Variants in IGFBP5 observed in about 807,000 individuals in gnomAD.
The protein encoded by IGFBP5 is insulin like growth factor binding protein 5.
IGFBP5 carries 12 observed loss-of-function variants against 28.0 expected under a neutral mutation model. The ratio of observed to expected loss-of-function variants is 0.43; its 90% CI spans 0.27 to 0.69. The LOEUF (loss-of-function observed/expected upper bound fraction) is 0.69, where lower values mean the gene tolerates loss of function less well. Among genes scored for constraint, IGFBP5 ranks in the 30% least tolerant of loss-of-function variants. The pLI is 0.20. For missense variants in IGFBP5, 344 were observed against 381.6 expected, an observed-to-expected ratio of 0.90 and a Z score of 0.82; for synonymous variants, 152 against 150.2, an observed-to-expected ratio of 1.01 and a Z score of -0.09.
chr2:216,684,395 A>G (rs1689012146), intron 1 of IGFBP5, among the ~76,000 whole-genome samples: 1 of 152,114 alleles, frequency 6.6e-6, no homozygotes, highest in African/African-American at 2.4e-5. Context: ...ATCTCACTTG[A>G]CCTAATAATC....
In IGFBP5 at chr2:216,692,742, TTCC is replaced by T. The variant is rs1288746659; in HGVS notation, c.337+1694_337+1696del. ...CCCAGAGCCTGCACATCCTCCCCTT[TTCC>T]TCTTTTTGCAGGCTGCAACCTGCAA... On this transcript the variant is annotated intron_variant, in intron 1 of 3. Coordinates refer to ENST00000233813, the MANE Select transcript of IGFBP5 (RefSeq NM_000599.4). This position sits in a 1 kb window ranked among gnomAD's most constrained non-coding sequence, Gnocchi z 4.2. 2.6e-5 allele frequency among the ~76,000 whole-genome samples: 4 copies of T among 152,018 alleles called. No homozygotes were observed. Among genetic ancestry groups the T allele is most frequent in the East Asian group, 3.9e-4 (2 of 5,160 alleles).
chr2:216,678,337 G>A, intron 2 of IGFBP5, 106 bp from the exon 3 acceptor site: 1 of 1,215,070 alleles, frequency 8.2e-7, no homozygotes, highest in Middle Eastern at 3.1e-4. Flanking sequence ...CTGGAGGAAA[G>A]TCACCACCTT....
rs552193869 is a variant in IGFBP5 at position 216,694,099 on chromosome 2, T to C, written c.337+340A>G. On this transcript the variant is annotated intron_variant, in intron 1 of 3. Coordinates refer to ENST00000233813, the MANE Select transcript of IGFBP5 (RefSeq NM_000599.4). The surrounding 1 kb of genome is among the most constrained non-coding windows in gnomAD (Gnocchi z 5.2). ...GGAGGAGGGAGTTGATAATGTAACA[T>C]ACACTCTTTCAGACTGTAGATAGGG... 6.6e-6 allele frequency among the ~76,000 whole-genome samples: 1 copy of C among 151,540 alleles called. No homozygotes were observed. Among genetic ancestry groups the C allele is most frequent in the South Asian group, 2.1e-4 (1 of 4,796 alleles).
In IGFBP5 at chr2:216,674,318, T is replaced by TGG. The variant is rs973780364; in HGVS notation, c.*2431_*2432dup. 7.6e-4 allele frequency: 117 copies of TGG among 153,554 alleles called. No homozygotes were observed. The highest frequency in any genetic ancestry group is 2.7e-3 in the African/African-American group (111 of 41,576). 9.5% of individuals were successfully genotyped at this position (153,554 alleles called of 1,614,324 possible). A position where few individuals can be genotyped will look rare whatever the true frequency, so the allele number is the denominator to read the frequency against. On this transcript the variant is annotated 3_prime_UTR_variant, in exon 4 of 4. Coordinates refer to ENST00000233813, the MANE Select transcript of IGFBP5 (RefSeq NM_000599.4). This position sits in a 1 kb window ranked among gnomAD's most constrained non-coding sequence, Gnocchi z 4.4. The stretch of plus-strand genomic sequence containing the variant: ...TTTAGGGGACAGCTGTGCAGAGAGA[T>TGG]GGGGCATGCTGACTCGGCAGGTCAA...
At chr2:216,688,959 C>G (rs1218784442) in intron 1 of IGFBP5, among the ~76,000 whole-genome samples, 1 of 152,196 alleles carries the variant, frequency 6.6e-6, no homozygotes, top group Non-Finnish European at 1.5e-5. Flanking sequence ...CATCTCTCCT[C>G]TCCTGCTGAA....
At chr2:216,693,647 A>G (rs1457695134) in intron 1 of IGFBP5, among the ~76,000 whole-genome samples, 1 of 152,162 alleles carries the variant, frequency 6.6e-6, no homozygotes, top group Non-Finnish European at 1.5e-5. Context: ...AACACCAGGC[A>G]CAGAATACCA....
rs1689082503 is a variant in IGFBP5, at chr2:216,690,503, T to TTCA, written c.337+3935_337+3936insTGA. On this transcript the variant is annotated intron_variant, in intron 1 of 3. Coordinates refer to ENST00000233813, the MANE Select transcript of IGFBP5 (RefSeq NM_000599.4). ...AGTATTACCTTCCCTTCCCGCTGGC[T>TTCA]TCTTCGCTCCATTAAGGGGGCCAGG... Among the ~76,000 whole-genome samples the TTCA allele has an allele frequency of 2.6e-5, 4 of 151,946 alleles. No homozygotes were observed. The South Asian group carries it at 8.4e-4, about 32-fold the overall frequency.
intron 1 of IGFBP5, among the ~76,000 whole-genome samples, chr2:216,680,738 G>A (rs1178139378): frequency 2.0e-5 from 3 of 152,162 alleles, no homozygotes; most frequent in Non-Finnish European, 4.4e-5. Context: ...GGAAAGGAAG[G>A]GACGTAATTA....
chr2:216,680,802 C>A (rs1688969807), intron 1 of IGFBP5, among the ~76,000 whole-genome samples: 1 of 152,060 alleles, frequency 6.6e-6, no homozygotes, highest in Non-Finnish European at 1.5e-5. Context: ...GGTGGGTGGG[C>A]TCTCCCTAAA....
In IGFBP5 at chr2:216,694,843, A is replaced by G; in HGVS notation, c.-68T>C. On this transcript the variant is annotated 5_prime_UTR_variant, in exon 1 of 4. Transcript: ENST00000233813. The surrounding 1 kb of genome is among the most constrained non-coding windows in gnomAD (Gnocchi z 5.2). ...GCGAGAGTGCAGGGATAAAGGGGCC[A>G]AGAGGGCCCCCGGAGATTTTTTTGT... 1 of 1,069,508 alleles carries G rather than the reference A, an allele frequency of 9.4e-7. No homozygotes were observed. The highest frequency in any genetic ancestry group is 1.2e-6 in the Non-Finnish European group (1 of 823,464). 66.3% of individuals were successfully genotyped at this position (1,069,508 alleles called of 1,614,324 possible).
chr2:216,690,871 G>C (rs1015450420), intron 1 of IGFBP5, among the ~76,000 whole-genome samples: 1 of 147,760 alleles, frequency 6.8e-6, no homozygotes, highest in Admixed American at 6.7e-5. Flanking sequence ...ACAGCAGAAA[G>C]GTGGGGGAGG....
intron 1 of IGFBP5, among the ~76,000 whole-genome samples, chr2:216,690,889 GGGTGGGCGGGGGCGGGGGC>G (rs1282305417): frequency 1.4e-5 from 2 of 141,712 alleles, no homozygotes; most frequent in Admixed American, 7.0e-5. Context: ...AGGGGGGGCG[GGGTGGGCGGGGGCGGGGGC>G]GGTGGGCGGA....
At chr2:216,690,150 C>T (rs1188978469) in intron 1 of IGFBP5, among the ~76,000 whole-genome samples, 1 of 152,176 alleles carries the variant, frequency 6.6e-6, no homozygotes, top group Non-Finnish European at 1.5e-5. Flanking sequence ...TGTAATCAGT[C>T]TTACTGTTTT....
intron 1 of IGFBP5, among the ~76,000 whole-genome samples, chr2:216,683,550 G>A (rs541782202): frequency 2.6e-5 from 4 of 152,226 alleles, no homozygotes; most frequent in Non-Finnish European, 5.9e-5. Flanking sequence ...GCAGGTGAGG[G>A]AGAGGGGAAC....
At position 216,675,730 on chromosome 2, in the gene IGFBP5, GAAGA is replaced by G. The variant is rs962090079; in HGVS notation, c.*1017_*1020del. The G allele has an allele frequency of 4.6e-5, 7 of 151,382 alleles. No individual in the cohort carries two copies. Among genetic ancestry groups the G allele is most frequent in the African/African-American group, 1.7e-4 (7 of 41,210 alleles). 9.4% of individuals were successfully genotyped at this position (151,382 alleles called of 1,614,324 possible). ...GTTAATGCAAACCTTTGAAAGAAAG[GAAGA>G]AAGAAAAAAACAAAGAAAAAGAATA... On this transcript the variant is annotated 3_prime_UTR_variant, in exon 4 of 4. Coordinates refer to ENST00000233813, the MANE Select transcript of IGFBP5 (RefSeq NM_000599.4).
rs913050306 is a variant in IGFBP5, at chr2:216,676,025, C to T, written c.*726G>A. 3.3e-5 allele frequency: 5 copies of T among 152,532 alleles called. No homozygotes were observed. Among genetic ancestry groups the T allele is most frequent in the Non-Finnish European group, 7.4e-5 (5 of 68,022 alleles). 9.4% of individuals were successfully genotyped at this position (152,532 alleles called of 1,614,324 possible). ...TATTTCATATTCACAGATCTGCTTC[C>T]GAAAACCTCTCTATTTAATATCACT... On this transcript the variant is annotated 3_prime_UTR_variant, in exon 4 of 4. Transcript: ENST00000233813.
At chr2:216,689,159 T>G (rs1689064602) in intron 1 of IGFBP5, among the ~76,000 whole-genome samples, 1 of 152,208 alleles carries the variant, frequency 6.6e-6, no homozygotes, top group Non-Finnish European at 1.5e-5. Flanking sequence ...AGGACTGTGC[T>G]GTTGGAAGCG....
chr2:216,685,005 C>A (rs1689018351), intron 1 of IGFBP5, among the ~76,000 whole-genome samples: 3 of 152,126 alleles, frequency 2.0e-5, no homozygotes, highest in African/African-American at 7.2e-5. Context: ...CTACTTAGGC[C>A]AGGCATGGTG....
At chr2:216,691,963 A>G (rs1370143538) in intron 1 of IGFBP5, among the ~76,000 whole-genome samples, 1 of 146,326 alleles carries the variant, frequency 6.8e-6, no homozygotes, top group Non-Finnish European at 1.5e-5. Flanking sequence ...GGGAGGTAGG[A>G]GGTGTGTTGG....
Sources: gnomAD v4.1 joint callset for allele counts (sites outside exome capture counted in the v4.1 genomes callset) on GRCh38, gnomAD v4.1.1 for gene constraint, Gnocchi (gnomAD v3.1) non-coding constraint, MANE v1.5 for transcripts, NCBI Gene and HGNC (gene_info 2026-07-23, HGNC 2026-07-21) for gene names.